SERINC1: variants seen among roughly 807,000 people sequenced by gnomAD.
The protein encoded by SERINC1 is serine incorporator 1, also known as tumor differentially expressed protein 2.
Under a neutral mutation model 52.9 loss-of-function variants are expected in SERINC1, and 38 were observed. That is an observed-to-expected ratio of 0.72 (90% CI 0.55 to 0.94). The LOEUF is 0.94. Among genes scored for constraint, SERINC1 ranks in the 40% least tolerant of loss-of-function variants. The pLI is 0.00. For synonymous variants in SERINC1, 198 were observed against 183.1 expected, an observed-to-expected ratio of 1.08 and a Z score of -0.66; for missense variants, 471 against 533.9, an observed-to-expected ratio of 0.88 and a Z score of 1.16.
At chr6:122,471,554 G>A (rs1775300820) in intron 1 of SERINC1, 145 bp downstream of exon 1, 18 of 923,672 alleles carry the variant, frequency 1.9e-5, no homozygotes, top group Non-Finnish European at 2.4e-5. Context: ...GTGACGAGAG[G>A]AGACGGGAAG....
Position 122,447,322 on chromosome 6 carries a change from G to A in SERINC1, c.851-57C>T. On this transcript the variant is annotated intron_variant, in intron 7 of 9. Transcript: ENST00000339697. ...ATATATTAAAAAGATGTTTTTCAGA[G>A]CAAACAAAAGTTATTTTTAACTCTC... is the stretch of plus-strand genomic sequence containing the variant. 7.9e-6 allele frequency: 11 copies of A among 1,392,270 alleles called. No homozygotes were observed. The South Asian group carries it at 1.1e-4, about 14-fold the overall frequency. The allele number at this position is 1,392,270 out of a possible 1,614,324, so 86.2% of individuals were successfully genotyped here.
intron 1 of SERINC1, among the ~76,000 whole-genome samples, chr6:122,466,253 GAACAA>G (rs1373808767): frequency 3.9e-5 from 6 of 152,152 alleles, no homozygotes; most frequent in Admixed American, 3.9e-4. Flanking sequence ...GTGAAACAGA[GAACAA>G]AACAGACTCT....
chr6:122,463,451 G>C (rs1284624617), intron 1 of SERINC1, among the ~76,000 whole-genome samples: 4 of 152,026 alleles, frequency 2.6e-5, no homozygotes, highest in Non-Finnish European at 5.9e-5. Context: ...TGCAAGTGAG[G>C]TACATGATAA....
chr6:122,464,170 G>A (rs761557087), intron 1 of SERINC1, among the ~76,000 whole-genome samples: 4 of 152,026 alleles, frequency 2.6e-5, no homozygotes, highest in South Asian at 2.1e-4. Flanking sequence ...TAGGATGATC[G>A]ATGTTCCAAA....
chr6:122,448,208 A>G (rs1451780466), intron 7 of SERINC1, among the ~76,000 whole-genome samples: 1 of 152,142 alleles, frequency 6.6e-6, no homozygotes, highest in East Asian at 1.9e-4. Context: ...CCATCTTACT[A>G]ATGAAAATGA....
intron 1 of SERINC1, among the ~76,000 whole-genome samples, chr6:122,467,660 A>G (rs982401665): frequency 3.3e-5 from 5 of 152,352 alleles, no homozygotes; most frequent in Admixed American, 1.3e-4. Context: ...TGAAAGGAAA[A>G]GTCATTGCAT....
At chr6:122,454,067 C>T in intron 4 of SERINC1, 84 bp downstream of exon 4, 1 of 1,182,722 alleles carries the variant, frequency 8.5e-7, no homozygotes, top group Non-Finnish European at 1.2e-6. Context: ...AACAAAAAGA[C>T]AAACAATTAT....
chr6:122,454,274 C>T, intron 3 of SERINC1, 44 bp from the exon 4 acceptor site: 1 of 979,168 alleles, frequency 1.0e-6, no homozygotes, highest in Non-Finnish European at 1.5e-6. Flanking sequence ...AGACATTCAT[C>T]AAATAATTTC....
Position 122,447,008 on chromosome 6 carries a change from TATGAAAGAG to T in SERINC1, c.996-13_996-5del, listed in dbSNP as rs1270118177. The T allele has an allele frequency of 1.3e-6, 2 of 1,599,472 alleles. No individual in the cohort carries two copies. The highest frequency in any genetic ancestry group is 1.7e-6 in the Non-Finnish European group (2 of 1,166,946). ...ACTATTGTTTGAAGTACGGATGCTGTATGAAAGAGAGTTTAGGAGGAGAGAAAAAAAAGA... is the reference window on the plus strand; with the variant it reads ...ACTATTGTTTGAAGTACGGATGCTGTAGTTTAGGAGGAGAGAAAAAAAAGA... On this transcript the variant is annotated splice_region_variant and splice_polypyrimidine_tract_variant and intron_variant, in intron 8 of 9. Transcript: ENST00000339697.
chr6:122,447,874 G>C (rs1774834196), intron 7 of SERINC1, among the ~76,000 whole-genome samples: 1 of 152,082 alleles, frequency 6.6e-6, no homozygotes, highest in South Asian at 2.1e-4. Flanking sequence ...CCAGCACTTT[G>C]GGAGGCCGAG....
At chr6:122,460,673 T>A (rs1489168794) in intron 1 of SERINC1, among the ~76,000 whole-genome samples, 1 of 151,668 alleles carries the variant, frequency 6.6e-6, no homozygotes, top group African/African-American at 2.4e-5. Flanking sequence ...CAAGGAAAAA[T>A]TTACACTGGA....
chr6:122,458,461 T>C (rs980680271), intron 2 of SERINC1, 59 bp downstream of exon 2: 3 of 1,141,006 alleles, frequency 2.6e-6, no homozygotes, highest in Non-Finnish European at 3.8e-6. Flanking sequence ...ATCAATTTTA[T>C]ACATATACAT....
At chr6:122,460,323 C>G (rs1775079710) in intron 1 of SERINC1, among the ~76,000 whole-genome samples, 1 of 152,196 alleles carries the variant, frequency 6.6e-6, no homozygotes, top group Non-Finnish European at 1.5e-5. Context: ...GATCCGCCTA[C>G]CTCGGCCTCC....
At chr6:122,447,681 T>C (rs2114474426) in intron 7 of SERINC1, among the ~76,000 whole-genome samples, 1 of 152,320 alleles carries the variant, frequency 6.6e-6, no homozygotes, top group South Asian at 2.1e-4. Context: ...TTATGAAGCT[T>C]ATCAATTTGA....
intron 2 of SERINC1, among the ~76,000 whole-genome samples, chr6:122,458,163 T>C (rs941705637): frequency 7.9e-5 from 12 of 152,226 alleles, no homozygotes; most frequent in Non-Finnish European, 1.5e-4. Flanking sequence ...AAAGTATAGA[T>C]ACTTTGCTTG....
At chr6:122,456,315 T>C (rs1362373197) in intron 3 of SERINC1, among the ~76,000 whole-genome samples, 166 bp downstream of exon 3, 1 of 152,166 alleles carries the variant, frequency 6.6e-6, no homozygotes, top group Non-Finnish European at 1.5e-5. Context: ...ATCCAAAGTC[T>C]GACATTCTCC....
chr6:122,468,317 T>C (rs1775220763), intron 1 of SERINC1, among the ~76,000 whole-genome samples: 1 of 152,196 alleles, frequency 6.6e-6, no homozygotes, highest in Non-Finnish European at 1.5e-5. Context: ...GGCTATCCTA[T>C]ACATTGTAGA....
In SERINC1 at chr6:122,456,631, T is replaced by C. The variant is rs762711365; in HGVS notation, c.221A>G (p.Asn74Ser). The change falls in exon 3 of 10, where the codon AAT becomes AGT. Residue 74 changes from asparagine to serine, a missense_variant. Coordinates refer to ENST00000339697, the MANE Select transcript of SERINC1 (RefSeq NM_020755.4). ...QLNKIPGFCE[N>S]EKGVVPCNIL... The stretch of plus-strand genomic sequence containing the variant: ...GTTACAAGGGACAACACCTTTCTCA[T>C]TCTCACAAAATCCAGGAATCTAGAA... 5 of 1,593,302 alleles carry C rather than the reference T, an allele frequency of 3.1e-6. No homozygotes were observed. Among genetic ancestry groups the C allele is most frequent in the Middle Eastern group, 1.7e-4 (1 of 5,912 alleles).
At chr6:122,460,947 T>C (rs1775090359) in intron 1 of SERINC1, among the ~76,000 whole-genome samples, 1 of 151,830 alleles carries the variant, frequency 6.6e-6, no homozygotes, top group Admixed American at 6.6e-5. Context: ...CCCCTAAATA[T>C]TGACAAGACA....
Sources: gnomAD v4.1 joint callset for allele counts (sites outside exome capture counted in the v4.1 genomes callset) on GRCh38, gnomAD v4.1.1 for gene constraint, MANE v1.5 for transcripts, NCBI Gene and HGNC (gene_info 2026-07-23, HGNC 2026-07-21) for gene names.